Variants in ZNF385D observed in about 807,000 individuals in gnomAD.
ZNF385D encodes the protein zinc finger protein 659.
A neutral mutation model predicts 35.8 loss-of-function variants in ZNF385D; 15 were observed. The observed-to-expected ratio is 0.42, with a 90% CI of 0.28 to 0.64. The LOEUF (loss-of-function observed/expected upper bound fraction) is 0.64. Among genes scored for constraint, ZNF385D ranks in the 30% least tolerant of loss-of-function variants. The pLI is 0.23. For missense variants in ZNF385D, 474 were observed against 494.6 expected (o/e 0.96, Z 0.39); for synonymous variants, 212 against 186.8 (o/e 1.13, Z -1.10).
At chr3:21,801,740 A>G (rs937953314) in intron 3 of ZNF385D, among the ~76,000 whole-genome samples, 20 of 152,282 alleles carry the variant, frequency 1.3e-4, no homozygotes, top group African/African-American at 4.3e-4. Flanking sequence ...CTTGGCTTCC[A>G]GCTGAAAACT....
rs544592373 is a variant in ZNF385D at position 21,816,017 on chromosome 3, C to T, written c.326-150989G>A. ...TGGGCTTCATCCCAGGGATGCAAGG[C>T]GGGTTCAACATATGAAAATCAATAA... On this transcript the variant is annotated intron_variant, in intron 3 of 5. Transcript: ENST00000494108. Among the ~76,000 whole-genome samples the T allele has an allele frequency of 9.4e-4, 143 of 152,192 alleles. 1 individual carries two copies. The highest frequency in any genetic ancestry group is 3.2e-3 in the African/African-American group (131 of 41,520).
intron 2 of ZNF385D, among the ~76,000 whole-genome samples, chr3:22,308,204 T>C (rs1457301986): frequency 6.6e-6 from 1 of 152,124 alleles, no homozygotes; most frequent in Non-Finnish European, 1.5e-5. Flanking sequence ...ATTATTATGT[T>C]AGAAAATAGT....
chr3:21,864,979 T>C, intron 3 of ZNF385D, among the ~76,000 whole-genome samples: 1 of 107,678 alleles, frequency 9.3e-6, no homozygotes, highest in African/African-American at 3.5e-5. Flanking sequence ...CAACCTACGT[T>C]TGGAACAATG....
chr3:22,360,663 G>A (rs1381438921), intron 2 of ZNF385D, among the ~76,000 whole-genome samples: 1 of 151,912 alleles, frequency 6.6e-6, no homozygotes, highest in African/African-American at 2.4e-5. Context: ...CGAATACCAA[G>A]TCCTCATATG....
chr3:22,017,156 G>T (rs9816104), intron 3 of ZNF385D, among the ~76,000 whole-genome samples: 8,245 of 151,926 alleles, frequency 0.054, 740 homozygotes, highest in African/African-American at 0.18. Flanking sequence ...ATGGTTATGA[G>T]AGCCTTAAAT....
In ZNF385D at chr3:22,169,214, T is replaced by C. The variant is rs1191218765; in HGVS notation, c.107-179A>G. On this transcript the variant is annotated intron_variant, in intron 2 of 5. Transcript: ENST00000494108. ...AAAGTAGACAATCTCTTTAATGGAA[T>C]ATAAATGGCAAATGTTTAACTTTTT... Among the ~76,000 whole-genome samples, 57 of 152,246 alleles carry C rather than the reference T, an allele frequency of 3.7e-4. 1 individual carries two copies. Among genetic ancestry groups the C allele is most frequent in the Admixed American group, 3.7e-3 (57 of 15,288 alleles).
At chr3:21,704,936 T>A (rs2067844375) in intron 1 of ZNF385D, among the ~76,000 whole-genome samples, 1 of 152,174 alleles carries the variant, frequency 6.6e-6, no homozygotes, top group African/African-American at 2.4e-5. Flanking sequence ...ATGTCATATA[T>A]TTCCAAGAAT....
At chr3:21,788,353 C>T (rs986276158) in intron 3 of ZNF385D, among the ~76,000 whole-genome samples, 1 of 152,118 alleles carries the variant, frequency 6.6e-6, no homozygotes, top group Non-Finnish European at 1.5e-5. Flanking sequence ...TGGCAGGCGC[C>T]TGTAATCCCA....
intron 2 of ZNF385D, among the ~76,000 whole-genome samples, chr3:22,276,879 T>C (rs989534124): frequency 6.6e-6 from 1 of 152,162 alleles, no homozygotes; most frequent in Non-Finnish European, 1.5e-5. Flanking sequence ...CTAAAATTTT[T>C]ATATCTGAAA....
chr3:21,495,548 G>A (rs779901142), intron 4 of ZNF385D, among the ~76,000 whole-genome samples: 2 of 151,964 alleles, frequency 1.3e-5, no homozygotes, highest in Admixed American at 6.6e-5. Flanking sequence ...CACAGCTAAG[G>A]CAGTTTAAGA....
intron 2 of ZNF385D, among the ~76,000 whole-genome samples, chr3:22,345,670 T>A (rs1359974475): frequency 1.3e-5 from 2 of 152,328 alleles, no homozygotes; most frequent in Admixed American, 1.3e-4. Flanking sequence ...TAATGAGTGC[T>A]GAGCTGTGAA....
chr3:22,099,682 G>A (rs945265785), intron 3 of ZNF385D, among the ~76,000 whole-genome samples: 3 of 152,002 alleles, frequency 2.0e-5, no homozygotes, highest in Non-Finnish European at 4.4e-5. Flanking sequence ...TCCTGGACTT[G>A]CAGCAGACCC....
intron 2 of ZNF385D, among the ~76,000 whole-genome samples, chr3:22,231,888 A>G (rs917708008): frequency 7.2e-5 from 11 of 152,042 alleles, no homozygotes; most frequent in African/African-American, 2.7e-4. Context: ...AATTCTCACA[A>G]GATCTGGTTG....
intron 2 of ZNF385D, among the ~76,000 whole-genome samples, chr3:22,248,330 T>C (rs1050885795): frequency 1.3e-5 from 2 of 152,186 alleles, no homozygotes; most frequent in Admixed American, 6.5e-5. Context: ...AATTGAACTT[T>C]CCTTCCTTTA....
intron 3 of ZNF385D, among the ~76,000 whole-genome samples, chr3:21,992,712 C>T (rs151201221): frequency 6.6e-6 from 1 of 152,164 alleles, no homozygotes; most frequent in Non-Finnish European, 1.5e-5. Flanking sequence ...ATTTTCTTCA[C>T]AAACATGTTT....
chr3:21,842,711 A>G (rs1695756456), intron 3 of ZNF385D, among the ~76,000 whole-genome samples: 1 of 152,080 alleles, frequency 6.6e-6, no homozygotes, highest in Non-Finnish European at 1.5e-5. Flanking sequence ...CAGTCAATCC[A>G]TCACCTTTTG....
intron 1 of ZNF385D, among the ~76,000 whole-genome samples, chr3:21,665,545 T>C (rs933894107): frequency 3.9e-5 from 6 of 152,210 alleles, no homozygotes; most frequent in African/African-American, 9.6e-5. Flanking sequence ...TGTACCTTAC[T>C]GCTCTAGCAA....
intron 3 of ZNF385D, among the ~76,000 whole-genome samples, chr3:21,825,093 C>T (rs2125745745): frequency 6.6e-6 from 1 of 152,278 alleles, no homozygotes; most frequent in South Asian, 2.1e-4. Context: ...ATATAAGTCA[C>T]TCACAAAGAA....
At chr3:22,232,642 G>C (rs1168177383) in intron 2 of ZNF385D, among the ~76,000 whole-genome samples, 8 of 152,076 alleles carry the variant, frequency 5.3e-5, no homozygotes, top group Non-Finnish European at 8.8e-5. Flanking sequence ...TGTGGTGTTT[G>C]GTTTTCTGTT....
Sources: allele counts gnomAD v4.1 joint callset (sites outside exome capture counted in the v4.1 genomes callset), GRCh38; gene constraint gnomAD v4.1.1; transcripts MANE v1.5; gene names NCBI Gene and HGNC (gene_info 2026-07-23, HGNC 2026-07-21).